GPC5: variants seen among roughly 807,000 people sequenced by gnomAD.
The protein encoded by GPC5 is glypican-5.
Under a neutral mutation model 53.9 loss-of-function variants are expected in GPC5, and 47 were observed. The ratio of observed to expected loss-of-function variants is 0.87; its 90% confidence interval spans 0.69 to 1.11. The LOEUF (loss-of-function observed/expected upper bound fraction) is 1.11, where lower values mean the gene tolerates loss of function less well. Among genes scored for constraint, GPC5 ranks in the 50% most tolerant of loss-of-function variants. The probability of loss-of-function intolerance (pLI) is 0.00; values close to 1 mark genes in which losing one functional copy is unlikely to be tolerated. For synonymous variants in GPC5, 286 were observed against 263.3 expected, an observed-to-expected ratio of 1.09 and a Z score of -0.84; for missense variants, 748 against 713.1, an observed-to-expected ratio of 1.05 and a Z score of -0.56.
chr13:92,503,145 T>C (rs950454270), intron 7 of GPC5, among the ~76,000 whole-genome samples: 1 of 151,910 alleles, frequency 6.6e-6, no homozygotes, highest in African/African-American at 2.4e-5. Context: ...ATATATGGTA[T>C]AGTGATGAAG....
At chr13:91,832,300 C>CTTTTTTTTTTTTTTTT (rs55698516) in intron 5 of GPC5, among the ~76,000 whole-genome samples, 4 of 122,988 alleles carry the variant, frequency 3.3e-5, no homozygotes, top group African/African-American at 9.1e-5. Flanking sequence ...GCTTTTTTCT[C>CTTTTTTTTTTTTTTTT]TTTTTTTTTT....
chr13:91,845,903 T>C (rs920687678), intron 5 of GPC5, among the ~76,000 whole-genome samples: 3 of 152,166 alleles, frequency 2.0e-5, no homozygotes, highest in African/African-American at 7.2e-5. Flanking sequence ...TTCTCATCAG[T>C]AAAATGGAGA....
chr13:92,785,947 C>G lies in GPC5; in HGVS notation c.1562-80335C>G, dbSNP rs146602478. 1.4e-3 allele frequency among the ~76,000 whole-genome samples: 214 copies of G among 152,252 alleles called. 2 individuals are homozygous for G. The highest frequency in any genetic ancestry group is 2.3e-3 in the Non-Finnish European group (158 of 68,014). The stretch of plus-strand genomic sequence containing the variant: ...CAATGCTGGCACATGAGAAGTTACA[C>G]GTAAATATTAGCTTTTGTTGTTATT... On this transcript the variant is annotated intron_variant, in intron 7 of 7. Transcript: ENST00000377067.
chr13:92,218,104 A>T (rs952100304), intron 7 of GPC5, among the ~76,000 whole-genome samples: 67 of 151,684 alleles, frequency 4.4e-4, no homozygotes, highest in African/African-American at 1.5e-3. Flanking sequence ...TTAAAAAAAA[A>T]TTTAGTAGAG....
chr13:92,043,555 C>T (rs1017646462), intron 6 of GPC5, among the ~76,000 whole-genome samples: 3 of 152,222 alleles, frequency 2.0e-5, no homozygotes, highest in South Asian at 2.1e-4. Flanking sequence ...TCATGTGCCA[C>T]GTAGATTTGA....
chr13:92,694,127 G>A (rs1035599838), intron 7 of GPC5, among the ~76,000 whole-genome samples: 1 of 152,202 alleles, frequency 6.6e-6, no homozygotes, highest in African/African-American at 2.4e-5. Context: ...AGACAAGGGA[G>A]CACAATGCCT....
intron 2 of GPC5, among the ~76,000 whole-genome samples, chr13:91,479,530 A>G (rs1000239020): frequency 2.0e-5 from 3 of 152,166 alleles, no homozygotes; most frequent in Non-Finnish European, 4.4e-5. Context: ...AGAAAAACAG[A>G]TGGTTATTAA....
chr13:91,917,895 T>G (rs983998631), intron 6 of GPC5, among the ~76,000 whole-genome samples: 1 of 152,192 alleles, frequency 6.6e-6, no homozygotes, highest in African/African-American at 2.4e-5. Context: ...CTCCAAACTG[T>G]GTCAACCTCT....
chr13:92,259,544 T>G (rs1229747288), intron 7 of GPC5, among the ~76,000 whole-genome samples: 1 of 151,832 alleles, frequency 6.6e-6, no homozygotes, highest in East Asian at 1.9e-4. Context: ...CTTTGAATAG[T>G]CTACCCTATC....
chr13:92,004,491 A>ATATATATATATATATATATAT (rs1555303852), intron 6 of GPC5, among the ~76,000 whole-genome samples: 2 of 69,768 alleles, frequency 2.9e-5, no homozygotes, highest in Non-Finnish European at 5.8e-5. Flanking sequence ...TATATATATA[A>ATATATATATATATATATATAT]TTACACTATA....
chr13:91,728,580 C>T lies in GPC5; in HGVS notation c.1069C>T (p.Arg357Cys), dbSNP rs772838827. ...TGTAAGAACACCCACACAAAGCCCCCGTTGTTCTTTTGATCAGAGCAAAGA... is the reference window on the plus strand; with the variant it reads ...TGTAAGAACACCCACACAAAGCCCCTGTTGTTCTTTTGATCAGAGCAAAGA... ...RPVRTPTQSP[R>C]CSFDQSKEKH... Residue 357 changes from arginine (R) to cysteine (C), a missense_variant, in exon 4 of 8, where the codon CGT becomes TGT. By Grantham distance (180) the Arg-to-Cys change is radical. Transcript: ENST00000377067. 37 of 1,612,688 alleles carry T rather than the reference C, an allele frequency of 2.3e-5. No individual in the cohort carries two copies. The highest frequency in any genetic ancestry group is 5.0e-5 in the Admixed American group (3 of 59,924).
At chr13:92,239,831 T>TGTGC (rs2139113540) in intron 7 of GPC5, 1 of 152,286 alleles carries the variant, frequency 6.6e-6, no homozygotes, top group African/African-American at 2.4e-5. Context: ...TATATTTAAA[T>TGTGC]ATGCATTTTA....
chr13:92,374,282 T>A (rs2043674466), intron 7 of GPC5, among the ~76,000 whole-genome samples: 3 of 152,188 alleles, frequency 2.0e-5, no homozygotes, highest in Admixed American at 1.3e-4. Context: ...TGAGATTTAA[T>A]AAAATGAGCT....
intron 6 of GPC5, among the ~76,000 whole-genome samples, chr13:92,062,748 T>A (rs1422052838): frequency 6.6e-6 from 1 of 152,034 alleles, no homozygotes; most frequent in African/African-American, 2.4e-5. Context: ...TCAAATGCTA[T>A]AATGGTTTGT....
intron 7 of GPC5, among the ~76,000 whole-genome samples, chr13:92,602,008 T>C (rs1254718763): frequency 6.6e-6 from 1 of 151,388 alleles, no homozygotes; most frequent in Non-Finnish European, 1.5e-5. Context: ...GCAGAAATTT[T>C]AGCATTTATG....
At chr13:91,862,076 C>T (rs142309440) in intron 5 of GPC5, among the ~76,000 whole-genome samples, 15 of 151,968 alleles carry the variant, frequency 9.9e-5, no homozygotes, top group African/African-American at 2.7e-4. Context: ...CGAAATTGAA[C>T]GATAAAAAAA....
intron 6 of GPC5, among the ~76,000 whole-genome samples, chr13:92,080,342 G>A (rs770505283): frequency 1.2e-4 from 19 of 152,056 alleles, no homozygotes; most frequent in Non-Finnish European, 2.4e-4. Context: ...AGGTGCTCCC[G>A]CCTTTTGCTC....
chr13:91,810,820 C>T (rs1368048791), intron 5 of GPC5, among the ~76,000 whole-genome samples: 1 of 151,386 alleles, frequency 6.6e-6, no homozygotes, highest in African/African-American at 2.4e-5. Flanking sequence ...ATAGTTAATA[C>T]TAATGAAGGG....
intron 7 of GPC5, among the ~76,000 whole-genome samples, chr13:92,845,014 T>C (rs905528472): frequency 6.6e-6 from 1 of 152,060 alleles, no homozygotes; most frequent in Non-Finnish European, 1.5e-5. Flanking sequence ...TTCCACAGGG[T>C]GCCATATTTT....
Sources: gnomAD v4.1 joint callset for allele counts (sites outside exome capture counted in the v4.1 genomes callset) on GRCh38, gnomAD v4.1.1 for gene constraint, MANE v1.5 for transcripts, NCBI Gene and HGNC (gene_info 2026-07-23, HGNC 2026-07-21) for gene names.